The following OSBP2 variants were observed in gnomAD, a reference collection of about 807,000 sequenced individuals.
OSBP2 encodes oxysterol-binding protein 2.
A neutral mutation model predicts 96.0 loss-of-function variants in OSBP2; 66 were observed. That is an observed-to-expected ratio of 0.69 (90% confidence interval 0.56 to 0.84). The LOEUF is 0.84. Among genes scored for constraint, OSBP2 ranks in the 40% least tolerant of loss-of-function variants. OSBP2 has a pLI of 0.00. For synonymous variants in OSBP2, 525 were observed against 520.9 expected (o/e 1.01, Z -0.11); for missense variants, 1,038 against 1,222.7 (o/e 0.85, Z 2.25).
intron 2 of OSBP2, among the ~76,000 whole-genome samples, chr22:30,860,681 G>A (rs5749180): frequency 0.35 from 52,831 of 152,042 alleles, 10,226 homozygotes; most frequent in East Asian, 0.63. Context: ...GTGAGTGAGT[G>A]AGCCCACCAC....
intron 12 of OSBP2, chr22:30,902,411 T>TG: frequency 6.4e-7 from 1 of 1,569,986 alleles, no homozygotes. Context: ...GATGGTGCAC[T>TG]GTTGGGCAAT....
intron 1 of OSBP2, among the ~76,000 whole-genome samples, chr22:30,738,750 C>T (rs1337350258): frequency 1.3e-5 from 2 of 151,502 alleles, no homozygotes; most frequent in Non-Finnish European, 1.5e-5. Flanking sequence ...TCAGTAGAGA[C>T]GGGGTTTCAC....
At chr22:30,783,065 CTTTTTTT>C (rs567123014) in intron 2 of OSBP2, among the ~76,000 whole-genome samples, 1 of 104,124 alleles carries the variant, frequency 9.6e-6, no homozygotes, top group Admixed American at 1.1e-4. Context: ...GAACCTGTGG[CTTTTTTT>C]TTTTTTTTTT....
At chr22:30,729,463 C>A (rs1024562757) in intron 1 of OSBP2, among the ~76,000 whole-genome samples, 5 of 152,074 alleles carry the variant, frequency 3.3e-5, no homozygotes, top group Admixed American at 6.6e-5. Context: ...CGTAATGAAA[C>A]CCCGTCTCTA....
chr22:30,779,248 A>AT (rs567486168), intron 2 of OSBP2, among the ~76,000 whole-genome samples: 2,168 of 119,674 alleles, frequency 0.018, 32 homozygotes, highest in Non-Finnish European at 0.027. Flanking sequence ...CACCCAGCTA[A>AT]TTTTTTTTTT....
chr22:30,904,947 C>T (rs2040296063), intron 12 of OSBP2, among the ~76,000 whole-genome samples: 1 of 151,986 alleles, frequency 6.6e-6, no homozygotes, highest in Non-Finnish European at 1.5e-5. Context: ...ACCAGCCTGG[C>T]CAACATGACA....
At chr22:30,736,850 T>C (rs1027655067) in intron 1 of OSBP2, among the ~76,000 whole-genome samples, 1 of 152,262 alleles carries the variant, frequency 6.6e-6, no homozygotes, top group Non-Finnish European at 1.5e-5. Context: ...TACTTTTGTT[T>C]AGGAATATCT....
At chr22:30,886,294 A>G (rs2039807153) in intron 3 of OSBP2, among the ~76,000 whole-genome samples, 1 of 152,206 alleles carries the variant, frequency 6.6e-6, no homozygotes, top group African/African-American at 2.4e-5. Context: ...AGGTAAATTT[A>G]AACATTTTCT....
intron 2 of OSBP2, among the ~76,000 whole-genome samples, chr22:30,773,742 G>T (rs567682904): frequency 1.3e-5 from 2 of 152,154 alleles, no homozygotes; most frequent in South Asian, 4.2e-4. Context: ...TGGGCCACAT[G>T]GATAAGCAGT....
rs536983766 is a variant in OSBP2 at position 30,733,801 on chromosome 22, G to A, written c.645-7360G>A. On this transcript the variant is annotated intron_variant, in intron 1 of 13. Transcript: ENST00000332585. Reference sequence around the variant, plus strand: ...AGGTGAGAGTGTGACTGGGGTCATTGCGAGTATTATTTTGTTGAGAATCGG... The same window carrying A: ...AGGTGAGAGTGTGACTGGGGTCATTACGAGTATTATTTTGTTGAGAATCGG... Among the ~76,000 whole-genome samples, 14 of 152,306 alleles carry A rather than the reference G, an allele frequency of 9.2e-5. No homozygotes were observed. The East Asian group carries it at 2.7e-3, about 29-fold the overall frequency.
At chr22:30,694,350 G>C (rs931166244), upstream of OSBP2, 1 of 1,534,282 alleles carries the variant, frequency 6.5e-7, no homozygotes, top group African/African-American at 1.4e-5. Flanking sequence ...GACAGGTAAT[G>C]GCTGCCATGG....
chr22:30,817,737 T>C (rs1249949632), intron 2 of OSBP2, among the ~76,000 whole-genome samples: 1 of 152,186 alleles, frequency 6.6e-6, no homozygotes, highest in African/African-American at 2.4e-5. Context: ...CATTGGAGGC[T>C]GAGACTAGTG....
At chr22:30,819,108 G>A (rs891701372) in intron 2 of OSBP2, among the ~76,000 whole-genome samples, 2 of 152,220 alleles carry the variant, frequency 1.3e-5, no homozygotes, top group Non-Finnish European at 2.9e-5. Context: ...GCCAAGGTGG[G>A]TGGATCACCT....
intron 1 of OSBP2, among the ~76,000 whole-genome samples, chr22:30,708,814 C>T (rs1206079278): frequency 6.6e-6 from 1 of 151,374 alleles, no homozygotes; most frequent in East Asian, 2.0e-4. Context: ...AAAAACATAT[C>T]CACAGGCCAG....
chr22:30,764,014 T>G (rs1450410405), intron 2 of OSBP2, among the ~76,000 whole-genome samples: 2 of 152,194 alleles, frequency 1.3e-5, no homozygotes, highest in Non-Finnish European at 2.9e-5. Flanking sequence ...TTGGCTGGCT[T>G]GCAACAAATC....
At chr22:30,769,133 C>T (rs867197226) in intron 2 of OSBP2, among the ~76,000 whole-genome samples, 5 of 152,312 alleles carry the variant, frequency 3.3e-5, no homozygotes, top group African/African-American at 7.2e-5. Context: ...GGGGGCCCCT[C>T]GGTCAGTTTG....
intron 1 of OSBP2, among the ~76,000 whole-genome samples, chr22:30,707,801 C>T (rs16988993): frequency 0.066 from 10,023 of 152,020 alleles, 1,109 homozygotes; most frequent in African/African-American, 0.23. Flanking sequence ...TGAACCATTG[C>T]AGTAGCCGAG....
intron 1 of OSBP2, among the ~76,000 whole-genome samples, chr22:30,717,090 T>TTTTTGTG (rs71328866): frequency 8.3e-4 from 98 of 118,408 alleles, no homozygotes; most frequent in African/African-American, 2.9e-3. Flanking sequence ...TTTACTGTTT[T>TTTTTGTG]TGTGTGTGTG....
At chr22:30,764,762 A>C (rs1310645999) in intron 2 of OSBP2, among the ~76,000 whole-genome samples, 2 of 152,204 alleles carry the variant, frequency 1.3e-5, no homozygotes, top group Non-Finnish European at 2.9e-5. Flanking sequence ...GGTGCATTCA[A>C]GCTATTGACC....
Sources: gnomAD v4.1 joint callset for allele counts (sites outside exome capture counted in the v4.1 genomes callset) on GRCh38, gnomAD v4.1.1 for gene constraint, MANE v1.5 for transcripts, NCBI Gene and HGNC (gene_info 2026-07-23, HGNC 2026-07-21) for gene names.